The following UBAC1 variants were observed in gnomAD, a reference collection of about 807,000 sequenced individuals.
UBAC1 encodes the protein ubiquitin-associated domain-containing protein 1.
A neutral mutation model predicts 45.9 loss-of-function variants in UBAC1; 27 were observed. That is an observed-to-expected ratio of 0.59 (90% CI 0.43 to 0.81). UBAC1 has a LOEUF of 0.81. Among genes scored for constraint, UBAC1 ranks in the 30% least tolerant of loss-of-function variants. The probability of loss-of-function intolerance (pLI) is 0.00; values close to 1 mark genes in which losing one functional copy is unlikely to be tolerated. For synonymous variants in UBAC1, 227 were observed against 215.5 expected (o/e 1.05, Z -0.47); for missense variants, 529 against 539.2 (o/e 0.98, Z 0.19).
intron 1 of UBAC1, among the ~76,000 whole-genome samples, chr9:135,959,403 T>G (rs1245878453): frequency 5.8e-5 from 8 of 138,572 alleles, no homozygotes; most frequent in African/African-American, 1.6e-4. Flanking sequence ...TGAGACGGAG[T>G]CTTGCTCTGT....
chr9:135,954,922 C>T (rs1839447875), intron 2 of UBAC1, among the ~76,000 whole-genome samples: 1 of 152,226 alleles, frequency 6.6e-6, no homozygotes, highest in Non-Finnish European at 1.5e-5. Context: ...AGACACAAAA[C>T]CATAAGCAAT....
intron 3 of UBAC1, among the ~76,000 whole-genome samples, chr9:135,949,556 G>A (rs1839381305): frequency 6.6e-6 from 1 of 152,240 alleles, no homozygotes; most frequent in Admixed American, 6.5e-5. Flanking sequence ...GCGGCTCAGA[G>A]CTGCCTCACG....
chr9:135,961,180 G>C lies in UBAC1; in HGVS notation c.-18C>G, dbSNP rs1256461609. ...ACGAACATCCCGCCGCCGCCGCAGGGGCCTGCGCCCGCCACCCGGGCCCCT... is the reference window on the plus strand; with the variant it reads ...ACGAACATCCCGCCGCCGCCGCAGGCGCCTGCGCCCGCCACCCGGGCCCCT... On this transcript the variant is annotated 5_prime_UTR_variant, in exon 1 of 10. Coordinates refer to ENST00000371756, the MANE Select transcript of UBAC1 (RefSeq NM_016172.3). 246 of 1,517,856 alleles carry C rather than the reference G, an allele frequency of 1.6e-4. 1 individual carries two copies. The highest frequency in any genetic ancestry group is 2.1e-4 in the Non-Finnish European group (243 of 1,140,784). The allele number at this position is 1,517,856 out of a possible 1,614,324, so 94.0% of individuals were successfully genotyped here. A position where few individuals can be genotyped will look rare whatever the true frequency, so the allele number is the denominator to read the frequency against.
rs766569387 is a variant in UBAC1, at chr9:135,961,014, C to A, written c.138+11G>T. On this transcript the variant is annotated intron_variant, in intron 1 of 9. Transcript: ENST00000371756. ...CGGGTGTTGGGGGCAGGGGAGGGGG[C>A]CCGGCCTTACGTGCTTGAGGCAGCG... The A allele has an allele frequency of 6.5e-7, 1 of 1,541,748 alleles. No homozygotes were observed. The highest frequency in any genetic ancestry group is 8.7e-7 in the Non-Finnish European group (1 of 1,149,026).
chr9:135,955,551 T>C, intron 1 of UBAC1, 136 bp from the exon 2 acceptor site: 2 of 1,003,554 alleles, frequency 2.0e-6, no homozygotes, highest in Non-Finnish European at 2.8e-6. Context: ...TGGATGAAAT[T>C]AAAGAATTCC....
rs538786376 is a variant in UBAC1 at position 135,935,663 on chromosome 9, G to A, written c.1103-2148C>T. ...AAGAAGGAAAACAAATAGATGACAC[G>A]CATAGACAGTATGTAAAAGAAGAAA... On this transcript the variant is annotated intron_variant, in intron 9 of 9. Transcript: ENST00000371756. 5.3e-5 allele frequency among the ~76,000 whole-genome samples: 8 copies of A among 151,636 alleles called. No homozygotes were observed. The South Asian group carries it at 1.3e-3, about 24-fold the overall frequency.
intron 1 of UBAC1, among the ~76,000 whole-genome samples, chr9:135,957,192 G>A (rs188258917): frequency 3.0e-4 from 45 of 152,264 alleles, no homozygotes; most frequent in Admixed American, 2.9e-3. Flanking sequence ...GGCTTCAGGG[G>A]CTCACTCCTT....
intron 4 of UBAC1, among the ~76,000 whole-genome samples, chr9:135,947,055 C>T (rs1465004951): frequency 2.6e-5 from 4 of 152,212 alleles, no homozygotes; most frequent in Non-Finnish European, 4.4e-5. Context: ...GAGGTTCATT[C>T]CTAAAATGAA....
chr9:135,942,193 G>A (rs1482659049), intron 7 of UBAC1: 4 of 152,206 alleles, frequency 2.6e-5, no homozygotes, highest in South Asian at 2.1e-4. Context: ...CACAACACAC[G>A]AGAGTGCGAA....
chr9:135,940,559 G>A (rs1228630206), intron 7 of UBAC1, among the ~76,000 whole-genome samples: 2 of 143,988 alleles, frequency 1.4e-5, no homozygotes, highest in African/African-American at 5.1e-5. Flanking sequence ...CAGCCTGGGC[G>A]ACAGAGCGAG....
Position 135,938,278 on chromosome 9 carries a change from G to C in UBAC1, c.1046C>G (p.Ala349Gly), listed in dbSNP as rs1279768553. 1 of 1,614,166 alleles carries C rather than the reference G, an allele frequency of 6.2e-7. No individual in the cohort carries two copies. The highest frequency in any genetic ancestry group is 1.7e-5 in the Admixed American group (1 of 60,016). ...GIDPDSPLFQ[A>G]ILDNPVVQLG... ...CTGCACCACCGGGTTATCCAGGATG[G>C]CCTGAAAGAGAGGACTGTCGGGGTC... Residue 349 changes from alanine to glycine, a missense_variant, in exon 9 of 10, where the codon GCC becomes GGC. Ala to Gly is a moderately conservative substitution (Grantham distance 60). Coordinates refer to ENST00000371756, the MANE Select transcript of UBAC1 (RefSeq NM_016172.3).
intron 7 of UBAC1, among the ~76,000 whole-genome samples, chr9:135,943,657 G>A (rs1360931949): frequency 3.9e-5 from 6 of 152,132 alleles, no homozygotes; most frequent in South Asian, 4.1e-4. Flanking sequence ...ATGTGCACAC[G>A]TATGTTCACT....
At chr9:135,957,737 A>ACT (rs1365241886) in intron 1 of UBAC1, among the ~76,000 whole-genome samples, 2 of 144,254 alleles carry the variant, frequency 1.4e-5, no homozygotes, top group Non-Finnish European at 1.5e-5. Context: ...ACTAGCGGGT[A>ACT]CTCTCTTCTA....
chr9:135,959,211 A>G (rs1005350241), intron 1 of UBAC1, among the ~76,000 whole-genome samples: 7 of 152,168 alleles, frequency 4.6e-5, no homozygotes, highest in Non-Finnish European at 8.8e-5. Flanking sequence ...TGGGGTCCAC[A>G]GGATATTTTT....
In UBAC1 at chr9:135,947,905, T is replaced by C. The variant is rs1588533929; in HGVS notation, c.334A>G (p.Lys112Glu). ...TCTGGAGCTTTCTGGTCTTGTTTTTTCTACACAGAAACGTAATCAGAAAGT... is the reference window on the plus strand; with the variant it reads ...TCTGGAGCTTTCTGGTCTTGTTTTTCCTACACAGAAACGTAATCAGAAAGT... ...KMADVSAEEK[K>E]KQDQKAPDKE... Residue 112 changes from lysine (K) to glutamate (E), a missense_variant and splice_region_variant, in exon 4 of 10, where the codon AAA becomes GAA. Coordinates refer to ENST00000371756, the MANE Select transcript of UBAC1 (RefSeq NM_016172.3). 1 of 1,613,532 alleles carries C rather than the reference T, an allele frequency of 6.2e-7. No homozygotes were observed. Among genetic ancestry groups the C allele is most frequent in the Non-Finnish European group, 8.5e-7 (1 of 1,179,706 alleles).
chr9:135,953,942 A>T, intron 2 of UBAC1, 189 bp from the exon 3 acceptor site: 1 of 350,982 alleles, frequency 2.8e-6, no homozygotes, highest in East Asian at 5.2e-5. Context: ...TGTTCAAGAC[A>T]AGCCTGGCCA....
At position 135,945,210 on chromosome 9, in the gene UBAC1, C is replaced by A. The variant is rs772852686; in HGVS notation, c.694G>T (p.Ala232Ser). 2.1e-5 allele frequency: 34 copies of A among 1,607,688 alleles called. No homozygotes were observed. Among genetic ancestry groups the A allele is most frequent in the Non-Finnish European group, 2.7e-5 (32 of 1,177,124 alleles). ...GGCGTGTCTATGGTCGGGTCTTCTGCGTGTTCAATTAGCCACTCCATGGCC... is the reference window on the plus strand; with the variant it reads ...GGCGTGTCTATGGTCGGGTCTTCTGAGTGTTCAATTAGCCACTCCATGGCC... Reference protein sequence around the residue: ...PQAMEWLIEHAEDPTIDTPLP... With the variant: ...PQAMEWLIEHSEDPTIDTPLP... Residue 232 changes from alanine (A) to serine (S), a missense_variant, in exon 7 of 10, where the codon GCA becomes TCA. By Grantham distance (99) the Ala-to-Ser change is moderately conservative. Coordinates refer to ENST00000371756, the MANE Select transcript of UBAC1 (RefSeq NM_016172.3).
intron 7 of UBAC1, among the ~76,000 whole-genome samples, 164 bp downstream of exon 7, chr9:135,944,864 A>ATTTCCCAGGCCCACCT (rs1456663087): frequency 6.6e-6 from 1 of 151,462 alleles, no homozygotes; most frequent in African/African-American, 2.4e-5. Flanking sequence ...CAGGCTCGCC[A>ATTTCCCAGGCCCACCT]TTTCCCAGGC....
chr9:135,947,732 C>T, intron 4 of UBAC1, 66 bp downstream of exon 4: 2 of 1,343,036 alleles, frequency 1.5e-6, no homozygotes, highest in South Asian at 1.3e-5. Flanking sequence ...CCCGCAGGAA[C>T]CCCCCCACAG....
Sources: gnomAD v4.1 joint callset for allele counts (sites outside exome capture counted in the v4.1 genomes callset) on GRCh38, gnomAD v4.1.1 for gene constraint, MANE v1.5 for transcripts, NCBI Gene and HGNC (gene_info 2026-07-23, HGNC 2026-07-21) for gene names.